The following POLD3 variants were observed in gnomAD, a reference collection of about 807,000 sequenced individuals.
POLD3 encodes DNA polymerase delta 3, accessory subunit.
In POLD3, 19 loss-of-function variants were observed where a neutral mutation model predicts 58.2. The observed-to-expected ratio is 0.33, with a 90% CI of 0.23 to 0.48. POLD3 has a LOEUF of 0.48. POLD3 is among the 20% of genes least tolerant of loss of function. The probability of loss-of-function intolerance (pLI) is 0.99; values close to 1 mark genes in which losing one functional copy is unlikely to be tolerated. For synonymous variants in POLD3, 172 were observed against 193.5 expected, an observed-to-expected ratio of 0.89 and a Z score of 0.92; for missense variants, 504 against 545.5, an observed-to-expected ratio of 0.92 and a Z score of 0.76.
At chr11:74,630,221 G>A (rs910828031) in intron 9 of POLD3, among the ~76,000 whole-genome samples, 5 of 152,086 alleles carry the variant, frequency 3.3e-5, no homozygotes, top group African/African-American at 1.2e-4. Flanking sequence ...GTAAGATTCT[G>A]AAACTTGTAA....
Position 74,592,598 on chromosome 11 carries a change from G to A in POLD3, c.-61G>A. On this transcript the variant is annotated 5_prime_UTR_variant, in exon 1 of 12. Transcript: ENST00000263681. Reference sequence around the variant, plus strand: ...GGAGGGAGCAAAGACGTTTCCCGCCGGCGGGAGCTGTGGCTGTGATTGAGA... The same window carrying A: ...GGAGGGAGCAAAGACGTTTCCCGCCAGCGGGAGCTGTGGCTGTGATTGAGA... 5 of 1,601,566 alleles carry A rather than the reference G, an allele frequency of 3.1e-6. No individual in the cohort carries two copies. Among genetic ancestry groups the A allele is most frequent in the Non-Finnish European group, 4.3e-6 (5 of 1,171,788 alleles).
chr11:74,606,214 A>T lies in POLD3; in HGVS notation c.219+1420A>T, dbSNP rs1271419808. ...CCAAATGATAACCAAGATATTTGCA[A>T]GTGTAAAATAAGATGTCATTTATAT... On this transcript the variant is annotated intron_variant, in intron 3 of 11. Transcript: ENST00000263681. 2.0e-5 allele frequency among the ~76,000 whole-genome samples: 3 copies of T among 152,236 alleles called. No individual in the cohort carries two copies. The East Asian group carries it at 5.8e-4, about 29-fold the overall frequency.
intron 4 of POLD3, among the ~76,000 whole-genome samples, chr11:74,653,966 G>T (rs898454188): frequency 2.0e-5 from 3 of 152,182 alleles, no homozygotes; most frequent in Admixed American, 2.0e-4. Context: ...GCAGGAACAG[G>T]CATGTCACAT....
At chr11:74,618,458 G>GTTT in intron 5 of POLD3, 79 bp from the exon 6 acceptor site, 2 of 920,254 alleles carry the variant, frequency 2.2e-6, no homozygotes, top group African/African-American at 1.7e-5. Context: ...ACTGACATTA[G>GTTT]TTTTTTTTTT....
rs2032940162 is a variant in POLD3, at chr11:74,642,510, A to G, written c.*1744A>G. ...TTCTAAAAATTATGCTGGGGTCTCGACTAAAACTGAATTTGAATTGGAAAA... is the reference window on the plus strand; with the variant it reads ...TTCTAAAAATTATGCTGGGGTCTCGGCTAAAACTGAATTTGAATTGGAAAA... On this transcript the variant is annotated 3_prime_UTR_variant, in exon 12 of 12. Coordinates refer to ENST00000263681, the MANE Select transcript of POLD3 (RefSeq NM_006591.3). 3.0e-6 allele frequency: 3 copies of G among 984,932 alleles called. No homozygotes were observed. The highest frequency in any genetic ancestry group is 6.2e-5 in the Admixed American group (1 of 16,258). 61.0% of individuals were successfully genotyped at this position (984,932 alleles called of 1,614,324 possible).
downstream of POLD3, among the ~76,000 whole-genome samples, chr11:74,643,383 C>T (rs918914258): frequency 6.6e-6 from 1 of 152,146 alleles, no homozygotes; most frequent in Non-Finnish European, 1.5e-5. Flanking sequence ...AAGCCCATGA[C>T]CTGGGGACTA....
chr11:74,624,597 G>C (rs975316891), intron 7 of POLD3, among the ~76,000 whole-genome samples: 1 of 152,142 alleles, frequency 6.6e-6, no homozygotes, highest in African/African-American at 2.4e-5. Flanking sequence ...GCCTTTACTT[G>C]TGAAAAGCTA....
intron 3 of POLD3, among the ~76,000 whole-genome samples, chr11:74,607,467 C>T (rs1026472455): frequency 1.3e-4 from 20 of 150,644 alleles, no homozygotes; most frequent in African/African-American, 4.9e-4. Context: ...CGGGTTTCAC[C>T]ATATTAGCCA....
intron 10 of POLD3, 147 bp downstream of exon 10, chr11:74,634,842 A>G (rs1192047534): frequency 1.2e-5 from 7 of 597,892 alleles, no homozygotes; most frequent in East Asian, 3.1e-5. Flanking sequence ...TACAGGTTGT[A>G]CAGAATGGGC....
intron 4 of POLD3, among the ~76,000 whole-genome samples, chr11:74,649,587 C>T (rs1385508894): frequency 6.6e-6 from 1 of 152,162 alleles, no homozygotes; most frequent in East Asian, 1.9e-4. Context: ...CCCTAAAATA[C>T]AGCAACAGCT....
intron 8 of POLD3, chr11:74,628,908 GTTGGATAA>G: frequency 4.8e-6 from 1 of 208,588 alleles, no homozygotes; most frequent in Non-Finnish European, 9.5e-6. Flanking sequence ...TTTAATGCTT[GTTGGATAA>G]TTGAAAGGCC....
chr11:74,595,661 A>G (rs1238677790), intron 2 of POLD3, among the ~76,000 whole-genome samples: 1 of 152,160 alleles, frequency 6.6e-6, no homozygotes, highest in African/African-American at 2.4e-5. Flanking sequence ...CTGTTGCCCA[A>G]GCTGGAGTGC....
chr11:74,633,153 G>C (rs1196155613), intron 9 of POLD3, among the ~76,000 whole-genome samples: 1 of 152,038 alleles, frequency 6.6e-6, no homozygotes, highest in Non-Finnish European at 1.5e-5. Context: ...AAATTCCTTT[G>C]GCTTCCTCAT....
chr11:74,603,398 G>A lies in POLD3; in HGVS notation c.117-1294G>A, dbSNP rs187890820. ...AAGAAGTGAAGTATAATGACTCCCA[G>A]ATTTCTGGCTTGCGTGGTTTCAGCA... On this transcript the variant is annotated intron_variant, in intron 2 of 11. Transcript: ENST00000263681. Among the ~76,000 whole-genome samples the A allele has an allele frequency of 4.5e-4, 68 of 152,296 alleles. 1 individual carries two copies. The East Asian group carries it at 0.012, about 27-fold the overall frequency.
chr11:74,619,736 A>G (rs1377850783), intron 6 of POLD3, among the ~76,000 whole-genome samples: 1 of 152,202 alleles, frequency 6.6e-6, no homozygotes, highest in Non-Finnish European at 1.5e-5. Context: ...GTCAAATTAA[A>G]TAGTTTTTAA....
chr11:74,604,362 A>G (rs184320044), intron 2 of POLD3, among the ~76,000 whole-genome samples: 3 of 152,320 alleles, frequency 2.0e-5, no homozygotes, highest in African/African-American at 4.8e-5. Context: ...GACAGTTACC[A>G]AACTACTTCT....
chr11:74,659,311 T>C (rs7131096), intron 4 of POLD3, among the ~76,000 whole-genome samples: 130,386 of 152,128 alleles, frequency 0.86, 56,403 homozygotes, highest in African/African-American at 0.97. Flanking sequence ...GCCTGACCTA[T>C]GAAACCACTT....
At chr11:74,615,172 AG>A (rs898837992) in intron 5 of POLD3, among the ~76,000 whole-genome samples, 1 of 152,236 alleles carries the variant, frequency 6.6e-6, no homozygotes, top group Non-Finnish European at 1.5e-5. Context: ...TGTTCTTGTC[AG>A]TAAAGCTGAC....
chr11:74,644,517 C>A (rs2032976359), downstream of POLD3, among the ~76,000 whole-genome samples: 1 of 152,230 alleles, frequency 6.6e-6, no homozygotes, highest in Non-Finnish European at 1.5e-5. Flanking sequence ...TTACCACTCC[C>A]TGCTGCATGA....
Sources: allele counts gnomAD v4.1 joint callset (sites outside exome capture counted in the v4.1 genomes callset), GRCh38; gene constraint gnomAD v4.1.1; transcripts MANE v1.5; gene names NCBI Gene and HGNC (gene_info 2026-07-23, HGNC 2026-07-21).